The following PPP2R2A variants were observed in gnomAD, a reference collection of about 807,000 sequenced individuals.
PPP2R2A encodes the protein serine/threonine-protein phosphatase 2A 55 kDa regulatory subunit B alpha isoform.
PPP2R2A carries 9 observed loss-of-function variants against 53.2 expected under a neutral mutation model. That is an observed-to-expected ratio of 0.17 (90% confidence interval 0.10 to 0.30). The LOEUF (loss-of-function observed/expected upper bound fraction) is 0.30, where lower values mean the gene tolerates loss of function less well. Ranked by LOEUF, PPP2R2A falls within the 10% of genes least tolerant of loss-of-function variation. The pLI, the probability that PPP2R2A is intolerant of heterozygous loss-of-function variation, is 1.00. For synonymous variants in PPP2R2A, 169 were observed against 174.2 expected (o/e 0.97, Z 0.23); for missense variants, 235 against 534.6 (o/e 0.44, Z 5.53).
chr8:26,332,485 G>A (rs1038820049), intron 2 of PPP2R2A, among the ~76,000 whole-genome samples: 1 of 150,894 alleles, frequency 6.6e-6, no homozygotes, highest in Non-Finnish European at 1.5e-5. Flanking sequence ...TTTTAAAACG[G>A]GCATTTACAT....
Position 26,338,035 on chromosome 8 carries a change from A to T in PPP2R2A, c.83-855A>T, listed in dbSNP as rs1585377052. On this transcript the variant is annotated intron_variant, in intron 2 of 9. Coordinates refer to ENST00000380737, the MANE Select transcript of PPP2R2A (RefSeq NM_002717.4). The surrounding 1 kb of genome is among the most constrained non-coding windows in gnomAD (Gnocchi z 4.5). ...TAGACCAGAGGATGTCTGTTCTTTTATAAAGCTGATTTATTTTAAATGCAC... is the reference window on the plus strand; with the variant it reads ...TAGACCAGAGGATGTCTGTTCTTTTTTAAAGCTGATTTATTTTAAATGCAC... Among the ~76,000 whole-genome samples, 1 of 152,370 alleles carries T rather than the reference A, an allele frequency of 6.6e-6. No individual in the cohort carries two copies. Among genetic ancestry groups the T allele is most frequent in the East Asian group, 1.9e-4 (1 of 5,194 alleles).
chr8:26,314,748 A>G (rs1802455211), intron 2 of PPP2R2A, among the ~76,000 whole-genome samples: 2 of 151,942 alleles, frequency 1.3e-5, no homozygotes, highest in South Asian at 2.1e-4. Context: ...GGTCTTTTTC[A>G]TTAATTGGAC....
At chr8:26,366,134 G>T in intron 8 of PPP2R2A, 181 bp from the exon 9 acceptor site, 1 of 529,142 alleles carries the variant, frequency 1.9e-6, no homozygotes. Flanking sequence ...GTACCTCCCT[G>T]AAGGGCTTGT....
rs1018594434 is a variant in PPP2R2A, at chr8:26,292,072, G to C, written c.7+246G>C. On this transcript the variant is annotated intron_variant, in intron 1 of 9. Transcript: ENST00000380737. ...GGCGGGGGTGGGGGTGGGGTGTGCC[G>C]GCGAGCTTGGGGTGAGGCGTGGGTG... The C allele has an allele frequency of 3.2e-6, 4 of 1,241,714 alleles. No individual in the cohort carries two copies. In the East Asian group the frequency reaches 1.4e-4, roughly 44 times the overall value. 76.9% of individuals were successfully genotyped at this position (1,241,714 alleles called of 1,614,324 possible). A position where few individuals can be genotyped will look rare whatever the true frequency, so the allele number is the denominator to read the frequency against.
chr8:26,369,094 C>T (rs1430117052), intron 9 of PPP2R2A, among the ~76,000 whole-genome samples: 4 of 149,548 alleles, frequency 2.7e-5, no homozygotes, highest in Admixed American at 6.7e-5. Context: ...GGCAACAGAG[C>T]GAGACTCCGT....
At chr8:26,294,079 T>G (rs1448704424) in intron 2 of PPP2R2A, among the ~76,000 whole-genome samples, 2 of 152,202 alleles carry the variant, frequency 1.3e-5, no homozygotes, top group Non-Finnish European at 2.9e-5. Context: ...TTTTTATGTT[T>G]GTACATTGGT....
At position 26,360,262 on chromosome 8, in the gene PPP2R2A, C is replaced by T; in HGVS notation, c.440C>T (p.Thr147Ile). 1 of 1,595,288 alleles carries T rather than the reference C, an allele frequency of 6.3e-7. No homozygotes were observed. The highest frequency in any genetic ancestry group is 8.6e-7 in the Non-Finnish European group (1 of 1,165,538). ...GAGGATGGAAGGTATAGAGATCCTACTACAGTTACTACACTACGAGTAAGT... is the reference window on the plus strand; with the variant it reads ...GAGGATGGAAGGTATAGAGATCCTATTACAGTTACTACACTACGAGTAAGT... ...KEEDGRYRDP[T>I]TVTTLRVPVF... The change falls in exon 5 of 10, where the codon ACT becomes ATT. Residue 147 changes from threonine to isoleucine, a missense_variant. Thr to Ile is a moderately conservative substitution (Grantham distance 89). Transcript: ENST00000380737. The surrounding 1 kb of genome is among the most constrained non-coding windows in gnomAD (Gnocchi z 4.5).
rs781345179 is a variant in PPP2R2A at position 26,291,784 on chromosome 8, C to G, written c.-36C>G. The G allele has an allele frequency of 1.1e-5, 17 of 1,595,942 alleles. No individual in the cohort carries two copies. Among genetic ancestry groups the G allele is most frequent in the African/African-American group, 9.6e-5 (7 of 73,150 alleles). ...GGGTGAGTTCAGGAAGCGGAGACCC[C>G]GAGGAACCCAGCAGGGTCACCATTT... is the stretch of plus-strand genomic sequence containing the variant. On this transcript the variant is annotated 5_prime_UTR_variant, in exon 1 of 10. Coordinates refer to ENST00000380737, the MANE Select transcript of PPP2R2A (RefSeq NM_002717.4).
chr8:26,332,917 AAT>A (rs1326131285), intron 2 of PPP2R2A, among the ~76,000 whole-genome samples: 3 of 152,186 alleles, frequency 2.0e-5, no homozygotes, highest in Non-Finnish European at 4.4e-5. Context: ...TATAGTGCTA[AAT>A]ATGAGTCCTG....
At chr8:26,322,635 C>G (rs1405660334) in intron 2 of PPP2R2A, among the ~76,000 whole-genome samples, 2 of 151,784 alleles carry the variant, frequency 1.3e-5, no homozygotes, top group Non-Finnish European at 2.9e-5. Context: ...TAGTTAGCAT[C>G]TCAGAAGCAT....
At chr8:26,294,678 C>T (rs963827771) in intron 2 of PPP2R2A, among the ~76,000 whole-genome samples, 2 of 151,838 alleles carry the variant, frequency 1.3e-5, no homozygotes, top group African/African-American at 4.8e-5. Context: ...TTGTGTTGTC[C>T]TCATATTTCT....
chr8:26,355,852 A>G (rs1389478735), intron 4 of PPP2R2A, among the ~76,000 whole-genome samples: 1 of 143,794 alleles, frequency 7.0e-6, no homozygotes, highest in African/African-American at 2.6e-5. Flanking sequence ...CCTGGGCAAC[A>G]GAGCGAGACT....
At chr8:26,324,088 T>G (rs572167994) in intron 2 of PPP2R2A, among the ~76,000 whole-genome samples, 1 of 152,366 alleles carries the variant, frequency 6.6e-6, no homozygotes, top group South Asian at 2.1e-4. Flanking sequence ...CTTTCTTGTT[T>G]GCATCAAGTT....
intron 9 of PPP2R2A, among the ~76,000 whole-genome samples, chr8:26,367,957 G>A (rs1474875501): frequency 6.6e-6 from 1 of 152,080 alleles, no homozygotes; most frequent in African/African-American, 2.4e-5. Flanking sequence ...CATGACCTTG[G>A]CATTTTGAAG....
chr8:26,292,242 C>G, intron 1 of PPP2R2A: 1 of 1,039,224 alleles, frequency 9.6e-7, no homozygotes, highest in Non-Finnish European at 1.2e-6. Flanking sequence ...TGCTGCAAGC[C>G]TTCTTGGGTG....
intron 2 of PPP2R2A, among the ~76,000 whole-genome samples, chr8:26,301,308 A>AC (rs976597650): frequency 2.0e-3 from 290 of 148,378 alleles, no homozygotes; most frequent in African/African-American, 6.8e-3. Context: ...AGCTAATGCC[A>AC]TTCTTTTTTT....
At chr8:26,305,398 G>A (rs763806000) in intron 2 of PPP2R2A, among the ~76,000 whole-genome samples, 2 of 152,140 alleles carry the variant, frequency 1.3e-5, no homozygotes, top group Admixed American at 1.3e-4. Context: ...AACCAGGTAG[G>A]TACTTTCTGT....
chr8:26,333,505 G>A, intron 2 of PPP2R2A: 2 of 1,231,408 alleles, frequency 1.6e-6, no homozygotes, highest in Non-Finnish European at 2.1e-6. Flanking sequence ...TTGAGACATA[G>A]TCCTCAAGTG....
intron 3 of PPP2R2A, among the ~76,000 whole-genome samples, chr8:26,342,650 CT>C (rs1314343735): frequency 6.6e-6 from 1 of 152,048 alleles, no homozygotes; most frequent in Non-Finnish European, 1.5e-5. Flanking sequence ...CTTTCCACTT[CT>C]TTTTATAATT....
Sources: allele counts gnomAD v4.1 joint callset (sites outside exome capture counted in the v4.1 genomes callset), GRCh38; gene constraint gnomAD v4.1.1; non-coding constraint Gnocchi (gnomAD v3.1); transcripts MANE v1.5; gene names NCBI Gene and HGNC (gene_info 2026-07-23, HGNC 2026-07-21).